Variants in EYS observed in about 807,000 individuals in gnomAD.
EYS encodes protein eyes shut homolog.
In EYS, 250 loss-of-function variants were observed where a neutral mutation model predicts 282.1. The observed-to-expected ratio is 0.89, with a 90% confidence interval of 0.80 to 0.98. The LOEUF is 0.98. Ranked by LOEUF, EYS falls within the 50% of genes least tolerant of loss-of-function variation. The pLI is 0.00. For synonymous variants in EYS, 1,355 were observed against 1,282.9 expected, an observed-to-expected ratio of 1.06 and a Z score of -1.20; for missense variants, 4,016 against 3,709.0, an observed-to-expected ratio of 1.08 and a Z score of -2.15.
At chr6:64,807,706 T>C (rs995783486) in intron 22 of EYS, among the ~76,000 whole-genome samples, 2 of 152,102 alleles carry the variant, frequency 1.3e-5, no homozygotes, top group African/African-American at 4.8e-5. Context: ...AGTTTAGGTG[T>C]TTAAAATGTC....
At chr6:65,614,100 T>G (rs1980987) in intron 2 of EYS, among the ~76,000 whole-genome samples, 54,116 of 151,810 alleles carry the variant, frequency 0.36, 12,074 homozygotes, top group Non-Finnish European at 0.49. Flanking sequence ...AAATTTCACT[T>G]ATTTCATTTT....
At chr6:65,240,122 C>T (rs1388260022) in intron 12 of EYS, among the ~76,000 whole-genome samples, 1 of 152,004 alleles carries the variant, frequency 6.6e-6, no homozygotes, top group African/African-American at 2.4e-5. Flanking sequence ...GCGCCCACCA[C>T]CACACCCAGC....
At chr6:65,150,164 A>G (rs1764577903) in intron 12 of EYS, among the ~76,000 whole-genome samples, 1 of 152,008 alleles carries the variant, frequency 6.6e-6, no homozygotes, top group African/African-American at 2.4e-5. Context: ...CAGCCAAGCC[A>G]TATCACCTGT....
chr6:64,633,620 T>C (rs1179479507), intron 22 of EYS, among the ~76,000 whole-genome samples: 1 of 56,818 alleles, frequency 1.8e-5, no homozygotes, highest in Non-Finnish European at 4.0e-5. Flanking sequence ...TTCATACTTT[T>C]CTCAGCAAAA....
At chr6:65,477,849 C>A (rs902727023) in intron 5 of EYS, among the ~76,000 whole-genome samples, 2 of 152,004 alleles carry the variant, frequency 1.3e-5, no homozygotes, top group Non-Finnish European at 2.9e-5. Context: ...AGCTGTGATT[C>A]TTTTCGTTCT....
At chr6:65,596,609 C>G (rs918459362) in intron 2 of EYS, among the ~76,000 whole-genome samples, 2 of 151,896 alleles carry the variant, frequency 1.3e-5, no homozygotes, top group Non-Finnish European at 1.5e-5. Context: ...GACCAATTCT[C>G]CACAGCATAT....
intron 13 of EYS, among the ~76,000 whole-genome samples, chr6:65,044,100 G>A (rs564687576): frequency 2.0e-5 from 3 of 151,520 alleles, no homozygotes; most frequent in Admixed American, 6.6e-5. Flanking sequence ...GTGATATTTC[G>A]TTGTGGTTTT....
intron 33 of EYS, among the ~76,000 whole-genome samples, chr6:64,010,710 C>A (rs927504133): frequency 6.6e-6 from 1 of 152,024 alleles, no homozygotes; most frequent in Non-Finnish European, 1.5e-5. Context: ...TTCTGCTGTG[C>A]CCAACCCTAC....
At chr6:64,930,575 T>C (rs968179654) in intron 15 of EYS, among the ~76,000 whole-genome samples, 1 of 152,040 alleles carries the variant, frequency 6.6e-6, no homozygotes. Context: ...TTTTAACTTA[T>C]TAAATGTCAG....
At chr6:64,727,246 G>A (rs1459235767) in intron 22 of EYS, among the ~76,000 whole-genome samples, 4 of 152,092 alleles carry the variant, frequency 2.6e-5, no homozygotes, top group Non-Finnish European at 4.4e-5. Flanking sequence ...TTATCTTGGA[G>A]GTGGGACGAT....
At chr6:65,357,396 G>A (rs757821885) in intron 8 of EYS, among the ~76,000 whole-genome samples, 14 of 151,892 alleles carry the variant, frequency 9.2e-5, no homozygotes, top group Non-Finnish European at 1.6e-4. Flanking sequence ...ATACGCATGT[G>A]CACCTTCTTA....
At chr6:64,644,208 T>C (rs1357276356) in intron 22 of EYS, among the ~76,000 whole-genome samples, 1 of 152,170 alleles carries the variant, frequency 6.6e-6, no homozygotes, top group Admixed American at 6.5e-5. Context: ...GATAAATAAT[T>C]TCTGGACGAG....
chr6:64,553,429 G>C (rs1272651241), intron 26 of EYS, among the ~76,000 whole-genome samples: 1 of 151,530 alleles, frequency 6.6e-6, no homozygotes, highest in Non-Finnish European at 1.5e-5. Context: ...AGCATAGAAG[G>C]CCCATCCTTT....
At chr6:65,360,253 T>C (rs1450441432) in intron 8 of EYS, among the ~76,000 whole-genome samples, 1 of 151,980 alleles carries the variant, frequency 6.6e-6, no homozygotes, top group Non-Finnish European at 1.5e-5. Flanking sequence ...TAAAGAAATG[T>C]AATGATCTTT....
intron 2 of EYS, among the ~76,000 whole-genome samples, chr6:65,576,792 T>A (rs1764685869): frequency 6.6e-6 from 1 of 151,606 alleles, no homozygotes; most frequent in Non-Finnish European, 1.5e-5. Context: ...CAAACTATTT[T>A]TAAAAAGTCA....
At chr6:64,703,382 G>GACACACAGACAC (rs1180483664) in intron 22 of EYS, among the ~76,000 whole-genome samples, 25 of 35,888 alleles carry the variant, frequency 7.0e-4, no homozygotes, top group Non-Finnish European at 1.2e-3. Flanking sequence ...CACACACACA[G>GACACACAGACAC]ACACACACAC....
At chr6:64,887,215 G>A (rs911572576) in intron 18 of EYS, among the ~76,000 whole-genome samples, 1 of 147,982 alleles carries the variant, frequency 6.8e-6, no homozygotes, top group African/African-American at 2.5e-5. Flanking sequence ...TCACTCATAG[G>A]TGGGAAGTGA....
At chr6:64,401,786 G>A (rs549385870) in intron 28 of EYS, among the ~76,000 whole-genome samples, 3 of 152,010 alleles carry the variant, frequency 2.0e-5, no homozygotes, top group Non-Finnish European at 2.9e-5. Flanking sequence ...ATTTCCACAG[G>A]TGACATGGAA....
intron 35 of EYS, among the ~76,000 whole-genome samples, chr6:63,936,998 G>C (rs1390220472): frequency 6.6e-6 from 1 of 152,150 alleles, no homozygotes; most frequent in East Asian, 1.9e-4. Flanking sequence ...GGAATACTGT[G>C]GAAAAAGAGA....
Sources: allele counts gnomAD v4.1 joint callset (sites outside exome capture counted in the v4.1 genomes callset), GRCh38; gene constraint gnomAD v4.1.1; transcripts MANE v1.5; gene names NCBI Gene and HGNC (gene_info 2026-07-23, HGNC 2026-07-21).